SUFU: variants seen among roughly 807,000 people sequenced by gnomAD.
SUFU encodes the protein SUFU negative regulator of hedgehog signaling.
A neutral mutation model predicts 58.9 loss-of-function variants in SUFU; 7 were observed. The observed-to-expected ratio is 0.12, with a 90% CI of 0.07 to 0.22. The LOEUF (loss-of-function observed/expected upper bound fraction) is 0.22, where lower values mean the gene tolerates loss of function less well. Ranked by LOEUF, SUFU falls within the 10% of genes least tolerant of loss-of-function variation. The pLI is 1.00. For missense variants in SUFU, 451 were observed against 641.3 expected, an observed-to-expected ratio of 0.70 and a Z score of 3.20; for synonymous variants, 232 against 254.8, an observed-to-expected ratio of 0.91 and a Z score of 0.85.
intron 3 of SUFU, among the ~76,000 whole-genome samples, chr10:102,553,821 C>T (rs532300555): frequency 2.1e-4 from 32 of 152,290 alleles, no homozygotes; most frequent in South Asian, 1.0e-3. Flanking sequence ...TGGCCAGACA[C>T]GGTGGCTCAT....
chr10:102,619,031 T>G lies in SUFU; in HGVS notation c.1296+1603T>G. On this transcript the variant is annotated intron_variant, in intron 10 of 11. Transcript: ENST00000369902. The surrounding 1 kb of genome is among the most constrained non-coding windows in gnomAD (Gnocchi z 4.2). ...AGTCGGGACTGGGGCCTCCCCAAAC[T>G]GCAGAATCTACCCAGTTATGTTTGA... is the stretch of plus-strand genomic sequence containing the variant. 1 of 1,592,486 alleles carries G rather than the reference T, an allele frequency of 6.3e-7. No homozygotes were observed.
chr10:102,541,226 AAG>A (rs1389218270), intron 2 of SUFU, among the ~76,000 whole-genome samples: 1 of 152,124 alleles, frequency 6.6e-6, no homozygotes, highest in Non-Finnish European at 1.5e-5. Context: ...ACTATACAAA[AAG>A]GTATATTCAA....
intron 10 of SUFU, chr10:102,618,145 GA>G (rs1272138395): frequency 6.5e-6 from 1 of 152,768 alleles, no homozygotes; most frequent in Non-Finnish European, 1.5e-5. Flanking sequence ...GTCTTGGAGG[GA>G]CAGCATCCTT....
At chr10:102,503,546 C>T (rs549592167), upstream of SUFU, among the ~76,000 whole-genome samples, 1 of 152,254 alleles carries the variant, frequency 6.6e-6, no homozygotes, top group Non-Finnish European at 1.5e-5. Context: ...CTCCCCCAGC[C>T]CCCTTGAAAT....
chr10:102,622,126 A>G (rs985016958), intron 10 of SUFU, among the ~76,000 whole-genome samples: 2 of 152,144 alleles, frequency 1.3e-5, no homozygotes, highest in African/African-American at 4.8e-5. Flanking sequence ...CTCCCTGGCC[A>G]AAGGTGGGAA....
intron 10 of SUFU, among the ~76,000 whole-genome samples, chr10:102,622,163 C>A (rs760982987): frequency 2.5e-4 from 38 of 152,194 alleles, no homozygotes; most frequent in Non-Finnish European, 4.6e-4. Flanking sequence ...TCCATTGCCC[C>A]CCTCGCAGCT....
At position 102,586,650 on chromosome 10, in the gene SUFU, G is replaced by A. The variant is rs6584514; in HGVS notation, c.455-5932G>A. On this transcript the variant is annotated intron_variant, in intron 3 of 11. Coordinates refer to ENST00000369902, the MANE Select transcript of SUFU (RefSeq NM_016169.4). ...ATCACGCCACCGCACTCTAGCCTGG[G>A]CGACAGAGCGAGACTCCGTCTCAAA... Among the ~76,000 whole-genome samples, 673 of 152,320 alleles carry A rather than the reference G, an allele frequency of 4.4e-3. 7 individuals carry two copies. The highest frequency in any genetic ancestry group is 0.015 in the African/African-American group (641 of 41,552).
At chr10:102,592,964 G>C (rs1254853054) in intron 4 of SUFU, among the ~76,000 whole-genome samples, 1 of 152,198 alleles carries the variant, frequency 6.6e-6, no homozygotes, top group East Asian at 1.9e-4. Flanking sequence ...AGCTGAGAGG[G>C]AGTAATGGGG....
At position 102,626,366 on chromosome 10, in the gene SUFU, C is replaced by G. The variant is rs2063786273; in HGVS notation, c.1297-809C>G. 2.0e-5 allele frequency among the ~76,000 whole-genome samples: 3 copies of G among 152,184 alleles called. No homozygotes were observed. In the South Asian group the frequency reaches 6.2e-4, roughly 31 times the overall value. Reference sequence around the variant, plus strand: ...ACGTTGGTATTGGCTGTGAAAACTTCTTTAGCGGATGAAGTTGGTGTTTGT... The same window carrying G: ...ACGTTGGTATTGGCTGTGAAAACTTGTTTAGCGGATGAAGTTGGTGTTTGT... On this transcript the variant is annotated intron_variant, in intron 10 of 11. Coordinates refer to ENST00000369902, the MANE Select transcript of SUFU (RefSeq NM_016169.4).
intron 9 of SUFU, 44 bp downstream of exon 9, chr10:102,615,446 A>T (rs758725929): frequency 8.1e-6 from 13 of 1,613,442 alleles, no homozygotes; most frequent in Non-Finnish European, 1.0e-5. Context: ...CACAGCACCC[A>T]GCTCAGCCTC....
At chr10:102,534,743 C>T (rs2062715719) in intron 2 of SUFU, among the ~76,000 whole-genome samples, 1 of 152,180 alleles carries the variant, frequency 6.6e-6, no homozygotes. Flanking sequence ...GTGAGTGGTC[C>T]TTGGACTTGC....
At chr10:102,519,006 T>C (rs2062510589) in intron 2 of SUFU, among the ~76,000 whole-genome samples, 1 of 151,362 alleles carries the variant, frequency 6.6e-6, no homozygotes, top group Non-Finnish European at 1.5e-5. Context: ...CCAGGCGTGG[T>C]GGCAGGCGCC....
At chr10:102,510,333 C>T (rs2062385561) in intron 2 of SUFU, among the ~76,000 whole-genome samples, 1 of 151,864 alleles carries the variant, frequency 6.6e-6, no homozygotes, top group Non-Finnish European at 1.5e-5. Context: ...TCTCAGCCTC[C>T]TGAGTACCTG....
chr10:102,523,294 A>G (rs1029837663), intron 2 of SUFU, among the ~76,000 whole-genome samples: 54 of 152,144 alleles, frequency 3.5e-4, no homozygotes, highest in African/African-American at 1.2e-3. Flanking sequence ...TTTTTCTAGT[A>G]CTAACCCTCA....
rs116872705 is a variant in SUFU, at chr10:102,533,567, C to T, written c.318-16403C>T. 9.7e-4 allele frequency among the ~76,000 whole-genome samples: 147 copies of T among 152,184 alleles called. No individual in the cohort carries two copies. The East Asian group carries it at 0.023, about 24-fold the overall frequency. Reference sequence around the variant, plus strand: ...GCAGCCTGGGCAACAGAGCAAGACCCTGTCTTGAAAAAAAGCAAAGTGCCT... The same window carrying T: ...GCAGCCTGGGCAACAGAGCAAGACCTTGTCTTGAAAAAAAGCAAAGTGCCT... On this transcript the variant is annotated intron_variant, in intron 2 of 11. Coordinates refer to ENST00000369902, the MANE Select transcript of SUFU (RefSeq NM_016169.4).
chr10:102,614,781 C>CG (rs1200714629), intron 8 of SUFU, among the ~76,000 whole-genome samples: 1 of 151,086 alleles, frequency 6.6e-6, no homozygotes, highest in African/African-American at 2.4e-5. Context: ...GAGGCTAAGG[C>CG]GGGAGAATTG....
intron 3 of SUFU, chr10:102,579,871 A>G (rs2063254929): frequency 2.0e-6 from 2 of 985,196 alleles, no homozygotes; most frequent in African/African-American, 1.7e-5. Flanking sequence ...GGGTGAGGGT[A>G]GGGGTTAATT....
intron 2 of SUFU, among the ~76,000 whole-genome samples, chr10:102,521,909 A>G (rs542385347): frequency 6.6e-6 from 1 of 152,374 alleles, no homozygotes; most frequent in East Asian, 1.9e-4. Context: ...GGGAGAAAAC[A>G]ATTACTGATA....
intron 1 of SUFU, among the ~76,000 whole-genome samples, chr10:102,505,996 A>G (rs1241946677): frequency 7.0e-6 from 1 of 141,898 alleles, no homozygotes; most frequent in Non-Finnish European, 1.5e-5. Flanking sequence ...CAGGAGTTCG[A>G]GACCAGTGTG....
Sources: allele counts gnomAD v4.1 joint callset (sites outside exome capture counted in the v4.1 genomes callset), GRCh38; gene constraint gnomAD v4.1.1; non-coding constraint Gnocchi (gnomAD v3.1); transcripts MANE v1.5; gene names NCBI Gene and HGNC (gene_info 2026-07-23, HGNC 2026-07-21).